ADAMTSL1: variants seen among roughly 807,000 people sequenced by gnomAD.
ADAMTSL1 encodes the protein ADAMTS like 1, also known as ADAMTS-like protein 1.
Under a neutral mutation model 201.8 loss-of-function variants are expected in ADAMTSL1, and 126 were observed. The observed-to-expected ratio is 0.62, with a 90% CI of 0.54 to 0.72. The LOEUF is 0.72. ADAMTSL1 is among the 30% of genes least tolerant of loss of function. The pLI, the probability that ADAMTSL1 is intolerant of heterozygous loss-of-function variation, is 0.00. For missense variants in ADAMTSL1, 2,679 were observed against 2,277.8 expected (o/e 1.18, Z -3.59); for synonymous variants, 1,121 against 903.4 (o/e 1.24, Z -4.32).
At chr9:18,142,817 A>G (rs746687840) in intron 1 of ADAMTSL1, among the ~76,000 whole-genome samples, 1 of 152,166 alleles carries the variant, frequency 6.6e-6, no homozygotes, top group African/African-American at 2.4e-5. Context: ...GAGTGGTAAA[A>G]TCTTCCGAAC....
At chr9:18,689,630 G>A (rs564531660) in intron 13 of ADAMTSL1, among the ~76,000 whole-genome samples, 10 of 152,304 alleles carry the variant, frequency 6.6e-5, no homozygotes, top group African/African-American at 1.9e-4. Flanking sequence ...GGACCAGTGC[G>A]GCACTTAGGG....
intron 1 of ADAMTSL1, among the ~76,000 whole-genome samples, chr9:18,094,486 G>A (rs147411333): frequency 0.013 from 1,940 of 152,238 alleles, 36 homozygotes; most frequent in African/African-American, 0.043. Context: ...TCCATTGTGT[G>A]TACAGAACAT....
At chr9:18,005,289 A>T (rs1377467248) in intron 1 of ADAMTSL1, among the ~76,000 whole-genome samples, 1 of 152,098 alleles carries the variant, frequency 6.6e-6, no homozygotes, top group Non-Finnish European at 1.5e-5. Context: ...TGCACAGCTC[A>T]CTAGAGAAGT....
intron 2 of ADAMTSL1, among the ~76,000 whole-genome samples, chr9:18,453,356 C>T (rs561075534): frequency 3.3e-5 from 5 of 152,218 alleles, no homozygotes; most frequent in Non-Finnish European, 5.9e-5. Context: ...GAGGGGCAGC[C>T]ATGAAGCTCT....
chr9:18,667,372 C>G (rs1450345935), intron 9 of ADAMTSL1, among the ~76,000 whole-genome samples: 1 of 152,052 alleles, frequency 6.6e-6, no homozygotes, highest in Non-Finnish European at 1.5e-5. Flanking sequence ...TGTAAAAATA[C>G]TGATTCTCAC....
At chr9:18,078,740 T>C (rs1379447783) in intron 1 of ADAMTSL1, among the ~76,000 whole-genome samples, 3 of 152,112 alleles carry the variant, frequency 2.0e-5, no homozygotes, top group Non-Finnish European at 4.4e-5. Flanking sequence ...AGCTCCTAGA[T>C]TTCCAGAAGC....
At chr9:18,467,087 G>T (rs955587069) in intron 2 of ADAMTSL1, among the ~76,000 whole-genome samples, 3 of 152,040 alleles carry the variant, frequency 2.0e-5, no homozygotes, top group Non-Finnish European at 4.4e-5. Context: ...TTACGTAAAG[G>T]GTGCTGTACT....
intron 23 of ADAMTSL1, among the ~76,000 whole-genome samples, chr9:18,881,868 C>T (rs7868732): frequency 1.3e-5 from 2 of 152,196 alleles, no homozygotes; most frequent in South Asian, 2.1e-4. Flanking sequence ...GCCTGCCCTT[C>T]GAAGCATCTC....
chr9:17,946,908 G>A (rs1359831393), intron 1 of ADAMTSL1, among the ~76,000 whole-genome samples: 1 of 152,074 alleles, frequency 6.6e-6, no homozygotes, highest in African/African-American at 2.4e-5. Context: ...TGAGCAGAAT[G>A]CAATAAATTC....
intron 7 of ADAMTSL1, among the ~76,000 whole-genome samples, chr9:18,643,087 A>G (rs1827550979): frequency 6.6e-6 from 1 of 151,982 alleles, no homozygotes; most frequent in Non-Finnish European, 1.5e-5. Flanking sequence ...ATCCGTGCCA[A>G]TACTTACCTT....
At chr9:18,731,129 T>G (rs2133481514) in intron 15 of ADAMTSL1, among the ~76,000 whole-genome samples, 1 of 152,320 alleles carries the variant, frequency 6.6e-6, no homozygotes, top group African/African-American at 2.4e-5. Flanking sequence ...TTGGGGAATT[T>G]CAGGAGGACA....
chr9:18,883,585 C>T (rs1828677138), intron 23 of ADAMTSL1, among the ~76,000 whole-genome samples: 1 of 152,216 alleles, frequency 6.6e-6, no homozygotes, highest in Non-Finnish European at 1.5e-5. Flanking sequence ...CCTCCCTTCT[C>T]CCAGCCTCTG....
chr9:18,038,779 C>G (rs1314636717), intron 1 of ADAMTSL1, among the ~76,000 whole-genome samples: 1 of 152,144 alleles, frequency 6.6e-6, no homozygotes, highest in East Asian at 1.9e-4. Flanking sequence ...AAGCATCTAA[C>G]AAGAAAGTAA....
intron 2 of ADAMTSL1, among the ~76,000 whole-genome samples, chr9:18,364,379 C>T (rs148179273): frequency 2.0e-5 from 3 of 152,242 alleles, no homozygotes; most frequent in African/African-American, 7.2e-5. Context: ...ACTCAGGCGA[C>T]AATTTTGGTT....
At chr9:18,448,635 C>G (rs1820288527) in intron 2 of ADAMTSL1, among the ~76,000 whole-genome samples, 2 of 152,040 alleles carry the variant, frequency 1.3e-5, no homozygotes, top group African/African-American at 4.8e-5. Context: ...AAATACCATG[C>G]CAGTTAGATA....
chr9:17,913,154 G>C (rs1413286250), intron 1 of ADAMTSL1, among the ~76,000 whole-genome samples: 1 of 152,006 alleles, frequency 6.6e-6, no homozygotes, highest in Non-Finnish European at 1.5e-5. Flanking sequence ...TGTTCTTTTG[G>C]CTTAGGATTG....
At chr9:18,200,688 A>G (rs1024312607) in intron 2 of ADAMTSL1, among the ~76,000 whole-genome samples, 1 of 152,116 alleles carries the variant, frequency 6.6e-6, no homozygotes, top group Non-Finnish European at 1.5e-5. Context: ...GTAAATTAAT[A>G]GAGTACTGAT....
At chr9:18,280,488 A>T (rs1266020096) in intron 2 of ADAMTSL1, among the ~76,000 whole-genome samples, 2 of 152,012 alleles carry the variant, frequency 1.3e-5, no homozygotes, top group Non-Finnish European at 2.9e-5. Flanking sequence ...GTTTGGCAAG[A>T]ATTGCCATTT....
intron 2 of ADAMTSL1, among the ~76,000 whole-genome samples, chr9:18,523,175 A>G (rs1466342826): frequency 6.6e-6 from 1 of 152,010 alleles, no homozygotes; most frequent in Non-Finnish European, 1.5e-5. Flanking sequence ...TTTGATTTGC[A>G]TTTCTCTGAT....
Sources: allele counts gnomAD v4.1 joint callset (sites outside exome capture counted in the v4.1 genomes callset), GRCh38; gene constraint gnomAD v4.1.1; transcripts MANE v1.5; gene names NCBI Gene and HGNC (gene_info 2026-07-23, HGNC 2026-07-21).